CCNJL: variants seen among roughly 807,000 people sequenced by gnomAD.
CCNJL encodes cyclin-J-like protein.
CCNJL carries 33 observed loss-of-function variants against 33.4 expected under a neutral mutation model. That is an observed-to-expected ratio of 0.99 (90% CI 0.75 to 1.32). The LOEUF (loss-of-function observed/expected upper bound fraction) is 1.32. Ranked by LOEUF, CCNJL falls within the 40% of genes most tolerant of loss-of-function variation. The pLI, the probability that CCNJL is intolerant of heterozygous loss-of-function variation, is 0.00. For missense variants in CCNJL, 512 were observed against 499.7 expected, an observed-to-expected ratio of 1.02 and a Z score of -0.23; for synonymous variants, 227 against 220.9, an observed-to-expected ratio of 1.03 and a Z score of -0.24.
intron 5 of CCNJL, chr5:160,255,185 C>G (rs1761003345): frequency 6.4e-6 from 1 of 156,708 alleles, no homozygotes; most frequent in Non-Finnish European, 1.4e-5. Flanking sequence ...TGGTGGCGCG[C>G]ACCTGTAATC....
At chr5:160,268,971 C>T (rs1193198936) in intron 3 of CCNJL, among the ~76,000 whole-genome samples, 5 of 152,194 alleles carry the variant, frequency 3.3e-5, no homozygotes, top group Admixed American at 6.5e-5. Flanking sequence ...AAATAATCAA[C>T]GAATGGATGG....
chr5:160,319,421 CTG>C (rs1763414382), intron 1 of CCNJL, among the ~76,000 whole-genome samples: 1 of 152,192 alleles, frequency 6.6e-6, no homozygotes, highest in African/African-American at 2.4e-5. Context: ...TATGCCAGCA[CTG>C]TGACACATGT....
rs940157997 is a variant in CCNJL at position 160,253,518 on chromosome 5, T to C, written c.1024A>G (p.Met342Val). The change falls in exon 6 of 6, where the codon ATG (methionine) becomes GTG (valine). Residue 342 changes from methionine to valine, a missense_variant. By Grantham distance (21) the Met-to-Val change is conservative. Coordinates refer to ENST00000257536, the MANE Select transcript of CCNJL (RefSeq NM_001308173.3). ...GATGCAGGGACGGGCACGGGACACA[T>C]ATCCAAGGGCTGCAGCGGTTGGTAC... Reference protein sequence around the residue: ...TPYQPLQPLDMCPVPVPASLS... With the variant: ...TPYQPLQPLDVCPVPVPASLS... The C allele has an allele frequency of 1.2e-6, 2 of 1,614,122 alleles. No individual in the cohort carries two copies. Among genetic ancestry groups the C allele is most frequent in the Non-Finnish European group, 1.7e-6 (2 of 1,180,002 alleles).
intron 4 of CCNJL, among the ~76,000 whole-genome samples, chr5:160,256,285 T>C (rs7737613): frequency 0.015 from 2,312 of 152,278 alleles, 51 homozygotes; most frequent in African/African-American, 0.052. Flanking sequence ...GTTCTACAAA[T>C]AGAACTGCAA....
At chr5:160,290,273 A>T (rs1762540981) in intron 2 of CCNJL, among the ~76,000 whole-genome samples, 1 of 149,122 alleles carries the variant, frequency 6.7e-6, no homozygotes, top group Non-Finnish European at 1.5e-5. Flanking sequence ...CTATTTATTT[A>T]ATTTTTTTTT....
chr5:160,265,163 T>G (rs905605584), intron 3 of CCNJL, among the ~76,000 whole-genome samples: 3 of 152,214 alleles, frequency 2.0e-5, no homozygotes, highest in African/African-American at 7.2e-5. Context: ...TGTTCTGCAC[T>G]GTGCCCCACG....
At chr5:160,258,818 T>G (rs1406196434) in intron 4 of CCNJL, among the ~76,000 whole-genome samples, 2 of 152,166 alleles carry the variant, frequency 1.3e-5, no homozygotes, top group African/African-American at 4.8e-5. Context: ...TGCCTCAGCC[T>G]CCCAAATAGC....
intron 2 of CCNJL, among the ~76,000 whole-genome samples, chr5:160,300,715 T>G (rs1762895441): frequency 6.6e-6 from 1 of 152,086 alleles, no homozygotes; most frequent in South Asian, 2.1e-4. Context: ...GGGGTTTCAC[T>G]CTGGCATAAT....
intron 2 of CCNJL, among the ~76,000 whole-genome samples, chr5:160,288,450 C>G (rs1762477557): frequency 6.6e-6 from 1 of 152,200 alleles, no homozygotes; most frequent in South Asian, 2.1e-4. Flanking sequence ...ACACCCCATG[C>G]CCAGTAAGTA....
chr5:160,320,404 G>A (rs1470767182), intron 1 of CCNJL, among the ~76,000 whole-genome samples: 2 of 152,144 alleles, frequency 1.3e-5, no homozygotes, highest in African/African-American at 4.8e-5. Context: ...AGAGGGTCAG[G>A]AAGACAACAT....
chr5:160,249,596 C>T lies in CCNJL; in HGVS notation c.*3782G>A, dbSNP rs1760751813. ...TGGACAACATGGTGAAACCTCATCT[C>T]TACAAAAAATACCAAAATTAGCTGG... On this transcript the variant is annotated 3_prime_UTR_variant, in exon 6 of 6. Transcript: ENST00000257536. 1 of 151,912 alleles carries T rather than the reference C, an allele frequency of 6.6e-6. No homozygotes were observed. The highest frequency in any genetic ancestry group is 1.5e-5 in the Non-Finnish European group (1 of 67,992). The allele number at this position is 151,912 out of a possible 1,614,324, so 9.4% of individuals were successfully genotyped here. A position where few individuals can be genotyped will look rare whatever the true frequency, so the allele number is the denominator to read the frequency against.
rs537691337 is a variant in CCNJL at position 160,255,782 on chromosome 5, T to G, written c.584-74A>C. On this transcript the variant is annotated intron_variant, in intron 4 of 5. Coordinates refer to ENST00000257536, the MANE Select transcript of CCNJL (RefSeq NM_001308173.3). The stretch of plus-strand genomic sequence containing the variant: ...ATCCCAGGCCCACCCTGAGAATGGA[T>G]GGACAAATGAATCGCTTTCAAGGCT... 5,034 of 1,321,976 alleles carry G rather than the reference T, an allele frequency of 3.8e-3. 16 individuals are homozygous for G. The highest frequency in any genetic ancestry group is 4.6e-3 in the Non-Finnish European group (4,273 of 927,936). 81.9% of individuals were successfully genotyped at this position (1,321,976 alleles called of 1,614,324 possible). A position where few individuals can be genotyped will look rare whatever the true frequency, so the allele number is the denominator to read the frequency against.
chr5:160,278,333 G>C (rs151061730), intron 3 of CCNJL, among the ~76,000 whole-genome samples: 306 of 152,232 alleles, frequency 2.0e-3, no homozygotes, highest in African/African-American at 6.3e-3. Flanking sequence ...TTAAAAACCT[G>C]AGATTGACAG....
chr5:160,258,709 C>CA lies in CCNJL; in HGVS notation c.583+759dup, dbSNP rs201255607. On this transcript the variant is annotated intron_variant, in intron 4 of 5. Coordinates refer to ENST00000257536, the MANE Select transcript of CCNJL (RefSeq NM_001308173.3). ...ATAAATATCTATTGTAAAAAACAAA[C>CA]AAAAAAAAGACAGAGTCTCGCTCTG... The CA allele has an allele frequency of 6.6e-3, 4,794 of 727,518 alleles. 25 individuals are homozygous for CA. Among genetic ancestry groups the CA allele is most frequent in the Non-Finnish European group, 7.3e-3 (2,957 of 404,656 alleles). 45.1% of individuals were successfully genotyped at this position (727,518 alleles called of 1,614,324 possible).
intron 1 of CCNJL, among the ~76,000 whole-genome samples, chr5:160,323,892 T>G (rs1763502806): frequency 6.6e-6 from 1 of 152,214 alleles, no homozygotes; most frequent in Admixed American, 6.5e-5. Flanking sequence ...TTCCCACCTT[T>G]GGACTCAGAT....
At chr5:160,329,223 CCCTCATGCTAGGTG>C (rs1763576127) in intron 1 of CCNJL, among the ~76,000 whole-genome samples, 2 of 152,244 alleles carry the variant, frequency 1.3e-5, no homozygotes, top group Non-Finnish European at 2.9e-5. Context: ...AGAATGGAGT[CCCTCATGCTAGGTG>C]CTATGTAGTC....
chr5:160,320,833 CTTTCTTTCT>C (rs1763436960), intron 1 of CCNJL, among the ~76,000 whole-genome samples: 1 of 119,492 alleles, frequency 8.4e-6, no homozygotes, highest in African/African-American at 3.2e-5. Flanking sequence ...TTCTTTCTTT[CTTTCTTTCT>C]TTCTTTCCTT....
intron 1 of CCNJL, chr5:160,339,384 C>A: frequency 8.8e-6 from 3 of 340,448 alleles, no homozygotes; most frequent in South Asian, 2.3e-5. Flanking sequence ...AAAAAAAACG[C>A]CAAAACCCCA....
Position 160,254,326 on chromosome 5 carries a change from G to A in CCNJL, c.744-528C>T. On this transcript the variant is annotated intron_variant, in intron 5 of 5. Transcript: ENST00000257536. ...CGCTGGGGCCTAGGATTTTTCATCT[G>A]AAAAGGGGGCTGGAACAGAGATTTT... 6.0e-6 allele frequency: 4 copies of A among 668,702 alleles called. No individual in the cohort carries two copies. The Admixed American group carries it at 6.9e-5, about 11-fold the overall frequency. The allele number at this position is 668,702 out of a possible 1,614,324, so 41.4% of individuals were successfully genotyped here.
Sources: allele counts gnomAD v4.1 joint callset (sites outside exome capture counted in the v4.1 genomes callset), GRCh38; gene constraint gnomAD v4.1.1; transcripts MANE v1.5; gene names NCBI Gene and HGNC (gene_info 2026-07-23, HGNC 2026-07-21).